Variants in DLG2 observed in about 807,000 individuals in gnomAD.
The protein encoded by DLG2 is discs large MAGUK scaffold protein 2, also known as disks large homolog 2.
DLG2 carries 45 observed loss-of-function variants against 132.5 expected under a neutral mutation model. The ratio of observed to expected loss-of-function variants is 0.34; its 90% CI spans 0.27 to 0.44. The LOEUF is 0.44. Ranked by LOEUF, DLG2 falls within the 20% of genes least tolerant of loss-of-function variation. The pLI, the probability that DLG2 is intolerant of heterozygous loss-of-function variation, is 1.00. For missense variants in DLG2, 1,045 were observed against 1,196.9 expected, an observed-to-expected ratio of 0.87 and a Z score of 1.87; for synonymous variants, 424 against 419.6, an observed-to-expected ratio of 1.01 and a Z score of -0.13.
At chr11:84,777,098 G>A (rs368642471) in intron 6 of DLG2, among the ~76,000 whole-genome samples, 18 of 151,270 alleles carry the variant, frequency 1.2e-4, no homozygotes, top group African/African-American at 3.9e-4. Context: ...CTGTATGTCC[G>A]TATGTACACT....
intron 4 of DLG2, among the ~76,000 whole-genome samples, chr11:85,271,654 C>T (rs1234425919): frequency 6.6e-6 from 1 of 152,200 alleles, no homozygotes; most frequent in African/African-American, 2.4e-5. Context: ...CATAGCATGA[C>T]CTAGATGTGA....
chr11:84,978,379 G>A (rs374271870), intron 6 of DLG2, among the ~76,000 whole-genome samples: 18 of 152,254 alleles, frequency 1.2e-4, no homozygotes, highest in East Asian at 1.9e-4. Context: ...GAACAAAGCC[G>A]GAGGCATCAC....
rs115719013 is a variant in DLG2, at chr11:85,056,174, A to C, written c.357+55487T>G. 6.6e-3 allele frequency among the ~76,000 whole-genome samples: 1,008 copies of C among 152,266 alleles called. 8 individuals carry two copies. Among genetic ancestry groups the C allele is most frequent in the African/African-American group, 0.023 (949 of 41,582 alleles). Reference sequence around the variant, plus strand: ...TTAGAGTTATTAGAAAAGATCTTTGAAATAACCATAATCGACATGGTTCAG... The same window carrying C: ...TTAGAGTTATTAGAAAAGATCTTTGCAATAACCATAATCGACATGGTTCAG... On this transcript the variant is annotated intron_variant, in intron 6 of 27. Transcript: ENST00000376104.
At chr11:84,629,479 C>T (rs1009036235) in intron 6 of DLG2, among the ~76,000 whole-genome samples, 1 of 152,210 alleles carries the variant, frequency 6.6e-6, no homozygotes, top group African/African-American at 2.4e-5. Flanking sequence ...TAGAAGCCAA[C>T]TGAGAGATTC....
At chr11:83,709,774 A>G (rs2084954065) in intron 18 of DLG2, among the ~76,000 whole-genome samples, 1 of 152,146 alleles carries the variant, frequency 6.6e-6, no homozygotes, top group South Asian at 2.1e-4. Context: ...ATCCCCCCCA[A>G]GTCATTTGGA....
chr11:85,333,912 G>C (rs1319113649), intron 3 of DLG2, among the ~76,000 whole-genome samples: 1 of 151,624 alleles, frequency 6.6e-6, no homozygotes, highest in African/African-American at 2.4e-5. Flanking sequence ...CTGTGTCTCT[G>C]ACAGGTTTTG....
intron 6 of DLG2, among the ~76,000 whole-genome samples, chr11:84,766,319 T>G (rs759752047): frequency 6.6e-6 from 1 of 152,072 alleles, no homozygotes; most frequent in Non-Finnish European, 1.5e-5. Context: ...GTCATAACAC[T>G]GTGTACCTTT....
At chr11:83,550,436 C>T (rs1298290041) in intron 19 of DLG2, among the ~76,000 whole-genome samples, 5 of 152,114 alleles carry the variant, frequency 3.3e-5, no homozygotes, top group African/African-American at 1.2e-4. Context: ...AGGGACGGGG[C>T]CCATTTGAGC....
At chr11:85,534,049 G>T (rs762759961) in intron 3 of DLG2, among the ~76,000 whole-genome samples, 2 of 152,010 alleles carry the variant, frequency 1.3e-5, no homozygotes, top group Non-Finnish European at 2.9e-5. Context: ...GTGCAATGGC[G>T]CTATCCCAGC....
intron 6 of DLG2, among the ~76,000 whole-genome samples, chr11:84,735,887 G>A (rs1002351918): frequency 1.3e-5 from 2 of 151,836 alleles, no homozygotes; most frequent in Admixed American, 6.6e-5. Context: ...AGTGTCTTTT[G>A]AATACCAGAA....
intron 7 of DLG2, among the ~76,000 whole-genome samples, chr11:84,390,455 G>T (rs770509728): frequency 2.6e-5 from 4 of 152,160 alleles, no homozygotes; most frequent in Admixed American, 6.6e-5. Flanking sequence ...TGAATGCCAG[G>T]TTAGAAAAAT....
intron 7 of DLG2, among the ~76,000 whole-genome samples, chr11:84,487,885 T>C (rs1365692362): frequency 6.6e-6 from 1 of 152,104 alleles, no homozygotes; most frequent in Non-Finnish European, 1.5e-5. Flanking sequence ...GTACATTCCA[T>C]GTGAACAAAT....
chr11:85,122,509 T>C (rs1247321620), intron 5 of DLG2, among the ~76,000 whole-genome samples: 1 of 152,130 alleles, frequency 6.6e-6, no homozygotes, highest in African/African-American at 2.4e-5. Flanking sequence ...GATAGGCAGT[T>C]AGGCAAGGGA....
intron 9 of DLG2, among the ~76,000 whole-genome samples, chr11:84,141,156 A>G (rs1394325926): frequency 6.6e-6 from 1 of 152,118 alleles, no homozygotes; most frequent in Non-Finnish European, 1.5e-5. Context: ...AGATGCACTG[A>G]GCATTGGTCC....
chr11:83,850,155 TGTGTG>T (rs905768128), intron 16 of DLG2, among the ~76,000 whole-genome samples: 126 of 132,042 alleles, frequency 9.5e-4, no homozygotes, highest in Non-Finnish European at 1.4e-3. Context: ...TGTGTGTGTG[TGTGTG>T]TTTTTTTACT....
intron 19 of DLG2, among the ~76,000 whole-genome samples, chr11:83,617,863 G>T (rs1340035835): frequency 6.6e-6 from 1 of 152,054 alleles, no homozygotes; most frequent in Non-Finnish European, 1.5e-5. Context: ...CAAGCATGGT[G>T]GTGCATGGCT....
At chr11:85,457,900 G>T (rs1295047118) in intron 3 of DLG2, among the ~76,000 whole-genome samples, 1 of 152,050 alleles carries the variant, frequency 6.6e-6, no homozygotes, top group East Asian at 1.9e-4. Context: ...AGAATCTGAT[G>T]ATTATGTGTC....
At chr11:84,673,604 A>G (rs2099708296) in intron 6 of DLG2, among the ~76,000 whole-genome samples, 1 of 125,882 alleles carries the variant, frequency 7.9e-6, no homozygotes, top group Non-Finnish European at 1.6e-5. Context: ...TAGAATCTAA[A>G]AAAAAAAAAA....
intron 8 of DLG2, among the ~76,000 whole-genome samples, chr11:84,236,411 C>A (rs1019513690): frequency 3.9e-5 from 6 of 152,188 alleles, no homozygotes; most frequent in African/African-American, 1.4e-4. Context: ...TCTACAATAA[C>A]CTACCTCAAG....
Sources: allele counts gnomAD v4.1 joint callset (sites outside exome capture counted in the v4.1 genomes callset), GRCh38; gene constraint gnomAD v4.1.1; transcripts MANE v1.5; gene names NCBI Gene and HGNC (gene_info 2026-07-23, HGNC 2026-07-21).